PTPRD: variants seen among roughly 807,000 people sequenced by gnomAD.
The protein encoded by PTPRD is protein tyrosine phosphatase receptor type D, also known as receptor-type tyrosine-protein phosphatase delta.
In PTPRD, 34 loss-of-function variants were observed where a neutral mutation model predicts 214.5. The ratio of observed to expected loss-of-function variants is 0.16; its 90% confidence interval spans 0.12 to 0.21. PTPRD has a LOEUF of 0.21. Ranked by LOEUF, PTPRD falls within the 10% of genes least tolerant of loss-of-function variation. The pLI is 1.00. For synonymous variants in PTPRD, 1,128 were observed against 845.7 expected, an observed-to-expected ratio of 1.33 and a Z score of -5.79; for missense variants, 2,545 against 2,398.7, an observed-to-expected ratio of 1.06 and a Z score of -1.27.
Position 8,637,366 on chromosome 9 carries a change from G to C in PTPRD, c.65-522C>G, listed in dbSNP as rs188398490. On this transcript the variant is annotated intron_variant, in intron 12 of 45. Coordinates refer to ENST00000381196, the MANE Select transcript of PTPRD (RefSeq NM_002839.4). ...AAGGTTTCGCAAGAAATAGAAATAG[G>C]GGAAAATGGTAAAGTGACTCTCTAA... 1.4e-3 allele frequency among the ~76,000 whole-genome samples: 218 copies of C among 152,210 alleles called. 1 individual carries two copies. Among genetic ancestry groups the C allele is most frequent in the Admixed American group, 0.013 (201 of 15,276 alleles).
At chr9:8,443,270 T>C (rs1222484396) in intron 34 of PTPRD, among the ~76,000 whole-genome samples, 1 of 152,230 alleles carries the variant, frequency 6.6e-6, no homozygotes, top group Admixed American at 6.5e-5. Flanking sequence ...ACACATCCGG[T>C]ATTCTTAACC....
At chr9:8,963,907 C>A (rs769474329) in intron 11 of PTPRD, among the ~76,000 whole-genome samples, 4 of 152,098 alleles carry the variant, frequency 2.6e-5, no homozygotes, top group Non-Finnish European at 5.9e-5. Context: ...AGCCATTGCA[C>A]CCAGCCTAAA....
chr9:10,131,957 A>G (rs1233659325), intron 3 of PTPRD, among the ~76,000 whole-genome samples: 2 of 152,132 alleles, frequency 1.3e-5, no homozygotes, highest in Non-Finnish European at 2.9e-5. Context: ...ATGAGGAAAA[A>G]GGTTATGCTG....
intron 10 of PTPRD, among the ~76,000 whole-genome samples, chr9:9,141,033 G>C (rs915470488): frequency 6.6e-6 from 1 of 151,916 alleles, no homozygotes; most frequent in Non-Finnish European, 1.5e-5. Flanking sequence ...ATTCAAGCTT[G>C]GTGTTTAAAT....
intron 5 of PTPRD, among the ~76,000 whole-genome samples, chr9:9,789,380 A>G (rs1326747609): frequency 6.6e-6 from 1 of 152,218 alleles, no homozygotes; most frequent in African/African-American, 2.4e-5. Context: ...TTCACAGAAT[A>G]TAAATAAACT....
At chr9:9,771,322 A>G (rs572483102) in intron 5 of PTPRD, among the ~76,000 whole-genome samples, 1 of 152,310 alleles carries the variant, frequency 6.6e-6, no homozygotes, top group Admixed American at 6.5e-5. Flanking sequence ...GTGTGTATAT[A>G]TAAGCTGCAT....
chr9:10,270,600 G>C (rs1431141541), intron 3 of PTPRD, among the ~76,000 whole-genome samples: 2 of 152,072 alleles, frequency 1.3e-5, no homozygotes, highest in African/African-American at 2.4e-5. Flanking sequence ...CAGATTTTTT[G>C]ATCTTCAACT....
intron 2 of PTPRD, among the ~76,000 whole-genome samples, chr9:10,554,026 G>A (rs2061927627): frequency 6.6e-6 from 1 of 152,090 alleles, no homozygotes; most frequent in African/African-American, 2.4e-5. Context: ...TGGGAAACAT[G>A]TTTGACCTGA....
At chr9:8,727,749 C>A (rs186739575) in intron 12 of PTPRD, among the ~76,000 whole-genome samples, 22 of 152,214 alleles carry the variant, frequency 1.4e-4, no homozygotes, top group African/African-American at 4.3e-4. Context: ...TTAAACTGGG[C>A]TCAAGCAATC....
At chr9:8,993,309 C>T (rs1409680786) in intron 11 of PTPRD, among the ~76,000 whole-genome samples, 1 of 152,034 alleles carries the variant, frequency 6.6e-6, no homozygotes, top group Non-Finnish European at 1.5e-5. Context: ...CAGTATCTAT[C>T]TCTTACTGTT....
chr9:8,478,284 T>C (rs991068465), intron 30 of PTPRD, among the ~76,000 whole-genome samples: 1 of 152,138 alleles, frequency 6.6e-6, no homozygotes, highest in African/African-American at 2.4e-5. Flanking sequence ...TTAATTACTC[T>C]TCATTAGGCT....
At chr9:9,611,014 G>C (rs1337415385) in intron 7 of PTPRD, among the ~76,000 whole-genome samples, 1 of 152,128 alleles carries the variant, frequency 6.6e-6, no homozygotes, top group Non-Finnish European at 1.5e-5. Context: ...TTCAAAATTA[G>C]TCTTCTATTG....
At chr9:10,346,992 CT>C (rs2097095782) in intron 2 of PTPRD, among the ~76,000 whole-genome samples, 2 of 152,044 alleles carry the variant, frequency 1.3e-5, no homozygotes, top group Admixed American at 1.3e-4. Flanking sequence ...TGTTTAAATA[CT>C]TTTATCTTTC....
chr9:8,932,019 A>C (rs10977373), intron 11 of PTPRD, among the ~76,000 whole-genome samples: 75,024 of 151,328 alleles, frequency 0.5, 18,763 homozygotes, highest in Middle Eastern at 0.59. Flanking sequence ...TCTCCTTTAT[A>C]ATTTTTTAGT....
At chr9:9,223,514 C>G (rs993331652) in intron 9 of PTPRD, among the ~76,000 whole-genome samples, 1 of 151,962 alleles carries the variant, frequency 6.6e-6, no homozygotes, top group Non-Finnish European at 1.5e-5. Flanking sequence ...GGCAATTTTA[C>G]CATTGTAAAA....
In PTPRD at chr9:9,483,914, C is replaced by T. The variant is rs371145260; in HGVS notation, c.-236-86432G>A. Reference sequence around the variant, plus strand: ...AATAAAATCCCTTTGTATCCTATCACGTTTATGTTATATTATAAATGCTTT... The same window carrying T: ...AATAAAATCCCTTTGTATCCTATCATGTTTATGTTATATTATAAATGCTTT... On this transcript the variant is annotated intron_variant, in intron 8 of 45. Coordinates refer to ENST00000381196, the MANE Select transcript of PTPRD (RefSeq NM_002839.4). Among the ~76,000 whole-genome samples the T allele has an allele frequency of 8.6e-5, 13 of 151,182 alleles. No individual in the cohort carries two copies. The East Asian group carries it at 1.2e-3, about 14-fold the overall frequency.
intron 2 of PTPRD, among the ~76,000 whole-genome samples, chr9:10,415,256 A>G (rs2098476216): frequency 1.3e-5 from 2 of 151,828 alleles, no homozygotes; most frequent in African/African-American, 4.8e-5. Flanking sequence ...AATGAACTCT[A>G]AAGTACTTTA....
At chr9:8,680,391 T>C (rs2097528354) in intron 12 of PTPRD, among the ~76,000 whole-genome samples, 1 of 152,192 alleles carries the variant, frequency 6.6e-6, no homozygotes, top group Non-Finnish European at 1.5e-5. Flanking sequence ...ACTCCCAGGA[T>C]ATGTTTTCTC....
intron 10 of PTPRD, among the ~76,000 whole-genome samples, chr9:9,067,682 A>G (rs2099737048): frequency 6.6e-6 from 1 of 152,214 alleles, no homozygotes; most frequent in African/African-American, 2.4e-5. Context: ...TGGTTGTAAG[A>G]AATAACACAG....
Sources: allele counts gnomAD v4.1 joint callset (sites outside exome capture counted in the v4.1 genomes callset), GRCh38; gene constraint gnomAD v4.1.1; transcripts MANE v1.5; gene names NCBI Gene and HGNC (gene_info 2026-07-23, HGNC 2026-07-21).